The following GPR75 variants were observed in gnomAD, a reference collection of about 807,000 sequenced individuals.
GPR75 encodes G protein-coupled receptor 75.
In GPR75, 27 loss-of-function variants were observed where a neutral mutation model predicts 26.0. The ratio of observed to expected loss-of-function variants is 1.04; its 90% CI spans 0.77 to 1.43. The LOEUF is 1.43. Among genes scored for constraint, GPR75 ranks in the 40% most tolerant of loss-of-function variants. GPR75 has a pLI of 0.00. For synonymous variants in GPR75, 285 were observed against 256.3 expected, an observed-to-expected ratio of 1.11 and a Z score of -1.07; for missense variants, 699 against 662.3, an observed-to-expected ratio of 1.06 and a Z score of -0.61.
Position 53,853,878 on chromosome 2 carries a change from G to C in GPR75, c.879C>G (p.Asn293Lys), listed in dbSNP as rs1459274100. The change falls in exon 2 of 2, where the codon AAC (asparagine) becomes AAG (lysine). Residue 293 changes from asparagine to lysine, a missense_variant. Physicochemically the swap from Asn to Lys is moderately conservative, Grantham distance 94. Transcript: ENST00000394705. ...VQTRGYTKSP[N>K]QLVTPAASRL... ...GGCTTGCTGCAGGGGTGACCAGTTG[G>C]TTGGGACTCTTGGTATATCCACGGG... is the stretch of plus-strand genomic sequence containing the variant. 6.2e-7 allele frequency: 1 copy of C among 1,614,092 alleles called. No individual in the cohort carries two copies. Among genetic ancestry groups the C allele is most frequent in the Non-Finnish European group, 8.5e-7 (1 of 1,180,010 alleles).
At chr2:53,855,506 G>C (rs1009621333) in intron 1 of GPR75, among the ~76,000 whole-genome samples, 3 of 152,094 alleles carry the variant, frequency 2.0e-5, no homozygotes, top group African/African-American at 7.2e-5. Context: ...AGCCTAATAA[G>C]GTTGCAGGGT....
intron 1 of GPR75, among the ~76,000 whole-genome samples, chr2:53,859,517 G>A (rs372792470): frequency 1.5e-3 from 228 of 151,982 alleles, no homozygotes; most frequent in African/African-American, 4.7e-3. Context: ...GAAGGGTGAG[G>A]TGACGGTAAG....
intron 1 of GPR75, among the ~76,000 whole-genome samples, chr2:53,856,752 T>G (rs1435910818): frequency 6.6e-6 from 1 of 152,222 alleles, no homozygotes; most frequent in African/African-American, 2.4e-5. Flanking sequence ...TATGGTGAAT[T>G]TGTCCACTGG....
At chr2:53,856,633 A>T (rs903054788) in intron 1 of GPR75, among the ~76,000 whole-genome samples, 1 of 152,264 alleles carries the variant, frequency 6.6e-6, no homozygotes, top group Admixed American at 6.5e-5. Context: ...AGTGACTATC[A>T]GACATATACC....
In GPR75 at chr2:53,853,571, G is replaced by C. The variant is rs1678146841; in HGVS notation, c.1186C>G (p.Leu396Val). ...KVLWCLQYIG[L>V]GFFCCKQKTR... is the part of the protein sequence containing the mutation. ...TTTTGTTTGCAGCAGAAAAAACCCA[G>C]GCCTATGTATTGGAGGCACCAGAGC... Residue 396 changes from leucine to valine, a missense_variant, in exon 2 of 2, where the codon CTG becomes GTG. Physicochemically the swap from Leu to Val is conservative, Grantham distance 32 (BLOSUM62 1). Coordinates refer to ENST00000394705, the MANE Select transcript of GPR75 (RefSeq NM_006794.4). The C allele has an allele frequency of 6.2e-7, 1 of 1,613,996 alleles. No homozygotes were observed. The highest frequency in any genetic ancestry group is 1.7e-5 in the Admixed American group (1 of 60,006).
chr2:53,854,631 C>A lies in GPR75; in HGVS notation c.126G>T (p.Leu42Phe). The A allele has an allele frequency of 1.2e-6, 2 of 1,614,036 alleles. No individual in the cohort carries two copies. Among genetic ancestry groups the A allele is most frequent in the Non-Finnish European group, 1.7e-6 (2 of 1,179,984 alleles). The change falls in exon 2 of 2, where the codon TTG becomes TTT. Residue 42 changes from leucine (L) to phenylalanine (F), a missense_variant. Leu to Phe is a conservative substitution (Grantham distance 22). Coordinates refer to ENST00000394705, the MANE Select transcript of GPR75 (RefSeq NM_006794.4). ...GLQDLIHTAT[L>F]VTCTFLLAVI... ...CCGCCAGTAGAAAAGTACAGGTCACCAAGGTGGCTGTGTGGATGAGATCCT... is the reference window on the plus strand; with the variant it reads ...CCGCCAGTAGAAAAGTACAGGTCACAAAGGTGGCTGTGTGGATGAGATCCT...
At position 53,854,250 on chromosome 2, in the gene GPR75, C is replaced by A; in HGVS notation, c.507G>T (p.Trp169Cys). 6.2e-7 allele frequency: 1 copy of A among 1,613,914 alleles called. No homozygotes were observed. The highest frequency in any genetic ancestry group is 8.5e-7 in the Non-Finnish European group (1 of 1,179,990). The change falls in exon 2 of 2, where the codon TGG (tryptophan) becomes TGT (cysteine). Residue 169 changes from tryptophan to cysteine, a missense_variant. Coordinates refer to ENST00000394705, the MANE Select transcript of GPR75 (RefSeq NM_006794.4). ...AGGTGGCAAGGGTGAAACTGGTGGC[C>A]CAGAGAAGCAGGGTGAGGAGTACGG... is the stretch of plus-strand genomic sequence containing the variant. ...PCTVLLTLLL[W>C]ATSFTLATLA...
At position 53,854,337 on chromosome 2, in the gene GPR75, G is replaced by A. The variant is rs151281016; in HGVS notation, c.420C>T (p.Ala140=). The change falls in exon 2 of 2, where the codon GCC becomes GCT. Residue 140 remains alanine, a synonymous_variant. Coordinates refer to ENST00000394705, the MANE Select transcript of GPR75 (RefSeq NM_006794.4). ...IMSLKTVAVI[A]LHRLRMVLGK... ...CCAACACCATCCGGAGCCGGTGCAG[G>A]GCGATCACTGCCACTGTCTTCAGAG... is the stretch of plus-strand genomic sequence containing the variant. 115 of 1,614,070 alleles carry A rather than the reference G, an allele frequency of 7.1e-5. No individual in the cohort carries two copies. The African/African-American group carries it at 1.1e-3, about 16-fold the overall frequency.
At chr2:53,855,978 T>C (rs1455982439) in intron 1 of GPR75, among the ~76,000 whole-genome samples, 4 of 152,210 alleles carry the variant, frequency 2.6e-5, no homozygotes, top group Admixed American at 6.5e-5. Flanking sequence ...AAGCACCACA[T>C]TGTAAAGTCT....
chr2:53,854,720 C>T lies in GPR75; in HGVS notation c.37G>A (p.Ala13Thr). 2 of 1,613,884 alleles carry T rather than the reference C, an allele frequency of 1.2e-6. No homozygotes were observed. Among genetic ancestry groups the T allele is most frequent in the Non-Finnish European group, 1.7e-6 (2 of 1,179,876 alleles). Residue 13 changes from alanine to threonine, a missense_variant, in exon 2 of 2, where the codon GCC (alanine) becomes ACC (threonine). Physicochemically the swap from Ala to Thr is moderately conservative, Grantham distance 58 (BLOSUM62 0). Coordinates refer to ENST00000394705, the MANE Select transcript of GPR75 (RefSeq NM_006794.4). ...GAGTGAGGCACATGGAGCGAGGTGGCATTGGGGGCATCCTGAAGGTGGCCT... is the reference window on the plus strand; with the variant it reads ...GAGTGAGGCACATGGAGCGAGGTGGTATTGGGGGCATCCTGAAGGTGGCCT... ...STGHLQDAPN[A>T]TSLHVPHSQE... is the part of the protein sequence containing the mutation.
At chr2:53,858,658 ACTTTAAGAAAAAGGAGG>A (rs1166081635) in intron 1 of GPR75, among the ~76,000 whole-genome samples, 2 of 152,212 alleles carry the variant, frequency 1.3e-5, no homozygotes, top group Admixed American at 6.5e-5. Context: ...AACTCCTGAG[ACTTTAAGAAAAAGGAGG>A]CTGTGACCAT....
intron 1 of GPR75, among the ~76,000 whole-genome samples, chr2:53,856,331 G>A (rs1402633299): frequency 6.6e-6 from 1 of 152,194 alleles, no homozygotes; most frequent in African/African-American, 2.4e-5. Flanking sequence ...CGACTAAGCT[G>A]TTCCTTGGAG....
chr2:53,856,040 G>A (rs1034178956), intron 1 of GPR75, among the ~76,000 whole-genome samples: 4 of 152,178 alleles, frequency 2.6e-5, no homozygotes, highest in Non-Finnish European at 5.9e-5. Flanking sequence ...ATATCCTGAT[G>A]GTGAAGCAGG....
chr2:53,855,803 T>A (rs1450869411), intron 1 of GPR75, among the ~76,000 whole-genome samples: 1 of 152,206 alleles, frequency 6.6e-6, no homozygotes. Context: ...CTATGAAGAA[T>A]CCTTTATTTC....
intron 1 of GPR75, among the ~76,000 whole-genome samples, chr2:53,857,825 G>C (rs887009708): frequency 6.6e-6 from 1 of 152,024 alleles, no homozygotes; most frequent in Non-Finnish European, 1.5e-5. Context: ...CAATCTGCCT[G>C]CTTTGGCCTC....
chr2:53,853,764 C>T lies in GPR75; in HGVS notation c.993G>A (p.Leu331=), dbSNP rs142713765. 1.4e-4 allele frequency: 228 copies of T among 1,614,136 alleles called. 3 individuals are homozygous for T. The African/African-American group carries it at 2.7e-3, about 19-fold the overall frequency. ...VTCVIIVLSV[L]VCCLPLGISL... is the part of the protein sequence containing the mutation. ...AAATCCCCAGTGGAAGACAGCACAC[C>T]AGGACTGACAGCACAATGATCACAC... Residue 331 remains leucine, a synonymous_variant, in exon 2 of 2, where the codon CTG becomes CTA. Transcript: ENST00000394705.
In GPR75 at chr2:53,853,504, T is replaced by C. The variant is rs1372792161; in HGVS notation, c.1253A>G (p.Asn418Ser). ...RAMGKGNLEV[N>S]RNKSSHHETN... is the part of the protein sequence containing the mutation. ...TTCATGATGGGAGGATTTGTTTCTG[T>C]TGACTTCGAGGTTCCCTTTTCCCAT... is the stretch of plus-strand genomic sequence containing the variant. Residue 418 changes from asparagine to serine, a missense_variant, in exon 2 of 2, where the codon AAC becomes AGC. Coordinates refer to ENST00000394705, the MANE Select transcript of GPR75 (RefSeq NM_006794.4). The C allele has an allele frequency of 2.5e-6, 4 of 1,614,080 alleles. No homozygotes were observed. Among genetic ancestry groups the C allele is most frequent in the East Asian group, 2.2e-5 (1 of 44,898 alleles).
Position 53,853,565 on chromosome 2 carries a change from A to C in GPR75, c.1192T>G (p.Phe398Val), listed in dbSNP as rs145914833. The part of the protein sequence containing the change: ...LWCLQYIGLG[F>V]FCCKQKTRLR... ...CGAGTCTTTTGTTTGCAGCAGAAAA[A>C]ACCCAGGCCTATGTATTGGAGGCAC... The change falls in exon 2 of 2, where the codon TTT becomes GTT. Residue 398 changes from phenylalanine to valine, a missense_variant. Physicochemically the swap from Phe to Val is conservative, Grantham distance 50. Transcript: ENST00000394705. The C allele has an allele frequency of 2.9e-4, 462 of 1,614,030 alleles. No individual in the cohort carries two copies. The highest frequency in any genetic ancestry group is 3.8e-4 in the Non-Finnish European group (446 of 1,180,034).
In GPR75 at chr2:53,854,517, A is replaced by G. The variant is rs142899173; in HGVS notation, c.240T>C (p.Asp80=). 38 of 1,614,084 alleles carry G rather than the reference A, an allele frequency of 2.4e-5. No homozygotes were observed. In the African/African-American group the frequency reaches 3.7e-4, roughly 16 times the overall value. ...AGAAGGACAGGTTCAGGATCATGAAATCAAAGTTGGTTCTGAATTTCCTGA... is the reference window on the plus strand; with the variant it reads ...AGAAGGACAGGTTCAGGATCATGAAGTCAAAGTTGGTTCTGAATTTCCTGA... ...PAFRKFRTNF[D]FMILNLSFCD... Residue 80 remains aspartate, a synonymous_variant, in exon 2 of 2, where the codon GAT becomes GAC. Coordinates refer to ENST00000394705, the MANE Select transcript of GPR75 (RefSeq NM_006794.4).
Sources: gnomAD v4.1 joint callset for allele counts (sites outside exome capture counted in the v4.1 genomes callset) on GRCh38, gnomAD v4.1.1 for gene constraint, MANE v1.5 for transcripts, NCBI Gene and HGNC (gene_info 2026-07-23, HGNC 2026-07-21) for gene names.